KIAA0825: variants seen among roughly 807,000 people sequenced by gnomAD.
KIAA0825 encodes KIAA0825.
A neutral mutation model predicts 147.6 loss-of-function variants in KIAA0825; 119 were observed. That is an observed-to-expected ratio of 0.81 (90% CI 0.69 to 0.94). The LOEUF is 0.94. KIAA0825 is among the 40% of genes least tolerant of loss of function. KIAA0825 has a pLI of 0.00. For missense variants in KIAA0825, 1,381 were observed against 1,472.7 expected, an observed-to-expected ratio of 0.94 and a Z score of 1.02; for synonymous variants, 470 against 518.1, an observed-to-expected ratio of 0.91 and a Z score of 1.26.
intron 15 of KIAA0825, among the ~76,000 whole-genome samples, chr5:94,410,173 T>C (rs1384715688): frequency 1.4e-5 from 2 of 144,580 alleles, no homozygotes; most frequent in African/African-American, 5.2e-5. Context: ...CACCATATAG[T>C]CTTAATAGTA....
intron 20 of KIAA0825, among the ~76,000 whole-genome samples, chr5:94,188,144 A>G (rs539899846): frequency 3.3e-5 from 5 of 152,200 alleles, no homozygotes; most frequent in South Asian, 4.1e-4. Flanking sequence ...CCAGGCTAGC[A>G]CCCTGATCGT....
At chr5:94,369,561 C>T (rs554598821) in intron 20 of KIAA0825, among the ~76,000 whole-genome samples, 1 of 152,034 alleles carries the variant, frequency 6.6e-6, no homozygotes, top group Non-Finnish European at 1.5e-5. Flanking sequence ...GGCTAAGAAG[C>T]CTTTAGCAAT....
intron 1 of KIAA0825, among the ~76,000 whole-genome samples, chr5:94,586,806 A>C (rs1783386554): frequency 6.6e-6 from 1 of 152,220 alleles, no homozygotes; most frequent in Non-Finnish European, 1.5e-5. Context: ...AAAAACTGGC[A>C]AACTGAATTC....
rs541812232 is a variant in KIAA0825 at position 94,462,360 on chromosome 5, T to C, written c.2246+27A>G. On this transcript the variant is annotated intron_variant, in intron 12 of 20. Coordinates refer to ENST00000682413, the MANE Select transcript of KIAA0825 (RefSeq NM_001145678.3). ...GTTAATCACGTTATATCATAATAGC[T>C]AAAAGGAAAATACATTTGATACTTA... 16 of 1,183,452 alleles carry C rather than the reference T, an allele frequency of 1.4e-5. No homozygotes were observed. In the African/African-American group the frequency reaches 2.2e-4, roughly 16 times the overall value. The allele number at this position is 1,183,452 out of a possible 1,614,324, so 73.3% of individuals were successfully genotyped here.
Position 94,445,192 on chromosome 5 carries a change from A to G in KIAA0825, c.2358-5071T>C, listed in dbSNP as rs373542211. Reference sequence around the variant, plus strand: ...AGTTCAGAAAAAGTCTCCCCTAGCAACACATTCCTGACCCAGTAAGAAAGT... The same window carrying G: ...AGTTCAGAAAAAGTCTCCCCTAGCAGCACATTCCTGACCCAGTAAGAAAGT... On this transcript the variant is annotated intron_variant, in intron 13 of 20. Coordinates refer to ENST00000682413, the MANE Select transcript of KIAA0825 (RefSeq NM_001145678.3). Among the ~76,000 whole-genome samples the G allele has an allele frequency of 3.9e-5, 6 of 152,298 alleles. No individual in the cohort carries two copies. The East Asian group carries it at 1.2e-3, about 29-fold the overall frequency.
At chr5:94,563,601 T>C (rs745897345) in intron 2 of KIAA0825, among the ~76,000 whole-genome samples, 1 of 152,152 alleles carries the variant, frequency 6.6e-6, no homozygotes, top group African/African-American at 2.4e-5. Flanking sequence ...ACAATGACAA[T>C]TGTATCTTTG....
intron 20 of KIAA0825, among the ~76,000 whole-genome samples, chr5:94,280,899 A>G (rs545317704): frequency 2.0e-5 from 3 of 152,240 alleles, no homozygotes; most frequent in South Asian, 4.1e-4. Flanking sequence ...ACCAAACTGT[A>G]TCAGTGTTTT....
intron 2 of KIAA0825, among the ~76,000 whole-genome samples, chr5:94,554,781 CAT>C (rs1355834862): frequency 1.7e-5 from 2 of 120,642 alleles, no homozygotes; most frequent in African/African-American, 6.1e-5. Context: ...TAATTCTTAA[CAT>C]AAACAGATAG....
At chr5:94,462,711 C>A in intron 11 of KIAA0825, 142 bp from the exon 12 acceptor site, 1 of 470,986 alleles carries the variant, frequency 2.1e-6, no homozygotes, top group Non-Finnish European at 3.7e-6. Flanking sequence ...AGATCTAAAC[C>A]AAAAAGAAAG....
At chr5:94,569,697 T>C (rs1779520093) in intron 2 of KIAA0825, 2 of 326,854 alleles carry the variant, frequency 6.1e-6, no homozygotes, top group East Asian at 4.7e-5. Flanking sequence ...TTCCTAGCCA[T>C]ACACTAATCA....
At chr5:94,214,572 C>T (rs1361034620) in intron 20 of KIAA0825, among the ~76,000 whole-genome samples, 1 of 152,298 alleles carries the variant, frequency 6.6e-6, no homozygotes, top group East Asian at 1.9e-4. Flanking sequence ...CTCTGGGAAA[C>T]TCCTCGGTCC....
intron 20 of KIAA0825, among the ~76,000 whole-genome samples, chr5:94,352,619 C>T (rs370477192): frequency 2.0e-5 from 3 of 152,314 alleles, no homozygotes; most frequent in Non-Finnish European, 2.9e-5. Flanking sequence ...CACTTGCACA[C>T]GCATGTTTAT....
chr5:94,173,807 G>A (rs1210091645), intron 20 of KIAA0825, among the ~76,000 whole-genome samples: 1 of 152,152 alleles, frequency 6.6e-6, no homozygotes, highest in African/African-American at 2.4e-5. Context: ...GAGAAGTGAA[G>A]TAGAGACCCT....
At chr5:94,380,010 C>T (rs1341020367) in intron 20 of KIAA0825, among the ~76,000 whole-genome samples, 1 of 151,774 alleles carries the variant, frequency 6.6e-6, no homozygotes, top group Non-Finnish European at 1.5e-5. Flanking sequence ...CCTACCACCA[C>T]GCCCGGCTAA....
chr5:94,401,949 A>C (rs1024831828), intron 16 of KIAA0825, among the ~76,000 whole-genome samples: 1 of 152,206 alleles, frequency 6.6e-6, no homozygotes, highest in Non-Finnish European at 1.5e-5. Flanking sequence ...AGAAGTGCCA[A>C]TCTAAAAGTC....
At chr5:94,193,084 T>C (rs1429899035) in intron 20 of KIAA0825, among the ~76,000 whole-genome samples, 1 of 152,156 alleles carries the variant, frequency 6.6e-6, no homozygotes, top group Non-Finnish European at 1.5e-5. Context: ...CATACAGTTA[T>C]CACAGAAAAG....
intron 20 of KIAA0825, among the ~76,000 whole-genome samples, chr5:94,245,397 TA>T (rs1053823925): frequency 1.3e-5 from 2 of 152,192 alleles, no homozygotes; most frequent in Non-Finnish European, 2.9e-5. Context: ...ATGAATGGTT[TA>T]AAACTGAAGC....
At chr5:94,303,638 G>T (rs1778540572) in intron 20 of KIAA0825, among the ~76,000 whole-genome samples, 1 of 152,064 alleles carries the variant, frequency 6.6e-6, no homozygotes, top group Non-Finnish European at 1.5e-5. Context: ...TCAAATTCAA[G>T]TTGGCAAGTT....
At chr5:94,392,349 T>G (rs1750008758) in intron 17 of KIAA0825, among the ~76,000 whole-genome samples, 1 of 152,190 alleles carries the variant, frequency 6.6e-6, no homozygotes, top group Admixed American at 6.5e-5. Flanking sequence ...AGAAAAAAAG[T>G]CTACTAACAC....
Sources: allele counts gnomAD v4.1 joint callset (sites outside exome capture counted in the v4.1 genomes callset), GRCh38; gene constraint gnomAD v4.1.1; transcripts MANE v1.5; gene names NCBI Gene and HGNC (gene_info 2026-07-23, HGNC 2026-07-21).